DRC11: variants seen among roughly 807,000 people sequenced by gnomAD.
DRC11 encodes the protein IQ and AAA domain-containing protein 1.
the DRC11 span, chr2:236,486,901 C>T: frequency 6.2e-7 from 1 of 1,601,400 alleles, no homozygotes; most frequent in Non-Finnish European, 8.5e-7. The surrounding 1 kb of genome is among the most constrained non-coding windows in gnomAD (Gnocchi z 5.7). Context: ...GTCGCCAAAC[C>T]TAAAAACAAA....
At chr2:236,340,116 A>C in the DRC11 span, among the ~76,000 whole-genome samples, 1 of 152,226 alleles carries the variant, frequency 6.6e-6, no homozygotes, top group East Asian at 1.9e-4. Flanking sequence ...TCTTGTGTCA[A>C]AGAACTTTGT....
chr2:236,383,769 G>T, the DRC11 span, among the ~76,000 whole-genome samples: 33 of 151,772 alleles, frequency 2.2e-4, no homozygotes, highest in Middle Eastern at 6.8e-3. Flanking sequence ...ACCCACTAAC[G>T]CATCATCTAG....
At chr2:236,317,440 G>T in the DRC11 span, among the ~76,000 whole-genome samples, 1 of 152,124 alleles carries the variant, frequency 6.6e-6, no homozygotes, top group Non-Finnish European at 1.5e-5. This position sits in a 1 kb window ranked among gnomAD's most constrained non-coding sequence, Gnocchi z 5.4. Context: ...AGCTAATGTT[G>T]GCTAGAAGAA....
the DRC11 span, chr2:236,376,989 G>A: frequency 4.5e-6 from 3 of 660,418 alleles, no homozygotes; most frequent in South Asian, 4.2e-5. The surrounding 1 kb of genome is among the most constrained non-coding windows in gnomAD (Gnocchi z 5.7). Context: ...AGCCACCATC[G>A]GCCAGGTTTT....
At chr2:236,307,274 A>G in the DRC11 span, among the ~76,000 whole-genome samples, 1 of 152,144 alleles carries the variant, frequency 6.6e-6, no homozygotes, top group African/African-American at 2.4e-5. This position sits in a 1 kb window ranked among gnomAD's most constrained non-coding sequence, Gnocchi z 7.0. Flanking sequence ...CAGAGCGCAC[A>G]TCTCAAGCAG....
the DRC11 span, among the ~76,000 whole-genome samples, chr2:236,471,640 G>A: frequency 1.3e-5 from 2 of 152,170 alleles, no homozygotes; most frequent in African/African-American, 4.8e-5. This position sits in a 1 kb window ranked among gnomAD's most constrained non-coding sequence, Gnocchi z 4.6. Context: ...ATCCCTTACA[G>A]ACAGCAGTTT....
chr2:236,380,473 A>AGGGCGTGGCATCACAGAGG, the DRC11 span: 1 of 900,004 alleles, frequency 1.1e-6, no homozygotes, highest in Admixed American at 2.1e-5. This position sits in a 1 kb window ranked among gnomAD's most constrained non-coding sequence, Gnocchi z 4.9. Flanking sequence ...GAGGATGAAG[A>AGGGCGTGGCATCACAGAGG]GGGCGTGGCA....
the DRC11 span, among the ~76,000 whole-genome samples, chr2:236,403,858 G>A: frequency 6.6e-6 from 1 of 151,870 alleles, no homozygotes; most frequent in Non-Finnish European, 1.5e-5. Context: ...ATCCTCGCTC[G>A]CTGTGCCTCG....
the DRC11 span, among the ~76,000 whole-genome samples, chr2:236,380,325 A>G: frequency 6.6e-6 from 1 of 152,242 alleles, no homozygotes; most frequent in African/African-American, 2.4e-5. The surrounding 1 kb of genome is among the most constrained non-coding windows in gnomAD (Gnocchi z 4.9). Context: ...AAAAAATTCC[A>G]TGAATTTTAA....
chr2:236,399,132 G>A, the DRC11 span, among the ~76,000 whole-genome samples: 11 of 152,046 alleles, frequency 7.2e-5, no homozygotes, highest in Non-Finnish European at 1.6e-4. This position sits in a 1 kb window ranked among gnomAD's most constrained non-coding sequence, Gnocchi z 7.0. Context: ...TGGGATTACA[G>A]GCTCCCGCTG....
At chr2:236,377,786 T>C in the DRC11 span, among the ~76,000 whole-genome samples, 1 of 152,198 alleles carries the variant, frequency 6.6e-6, no homozygotes. This position sits in a 1 kb window ranked among gnomAD's most constrained non-coding sequence, Gnocchi z 4.9. Flanking sequence ...TAAAAGGACC[T>C]TGAGCATATA....
At chr2:236,495,244 G>A in the DRC11 span, among the ~76,000 whole-genome samples, 2 of 152,184 alleles carry the variant, frequency 1.3e-5, no homozygotes, top group Non-Finnish European at 2.9e-5. This position sits in a 1 kb window ranked among gnomAD's most constrained non-coding sequence, Gnocchi z 5.6. Context: ...TTGGGAGGCT[G>A]AGGCAGGAGA....
the DRC11 span, among the ~76,000 whole-genome samples, chr2:236,386,473 A>G: frequency 7.9e-5 from 12 of 151,906 alleles, no homozygotes; most frequent in East Asian, 2.3e-3. Context: ...GTATTCTCTG[A>G]TGGTAGTTTG....
the DRC11 span, among the ~76,000 whole-genome samples, chr2:236,340,325 T>C: frequency 6.6e-6 from 1 of 152,208 alleles, no homozygotes; most frequent in East Asian, 1.9e-4. Context: ...AGGTTTGCCA[T>C]GTTGGCCATG....
the DRC11 span, among the ~76,000 whole-genome samples, chr2:236,383,160 C>T: frequency 6.6e-6 from 1 of 152,088 alleles, no homozygotes; most frequent in Non-Finnish European, 1.5e-5. Context: ...CTTTCTATTT[C>T]TTCTAGATTT....
the DRC11 span, among the ~76,000 whole-genome samples, chr2:236,439,123 T>C: frequency 6.7e-6 from 1 of 149,154 alleles, no homozygotes; most frequent in African/African-American, 2.5e-5. Context: ...GCAGGAAAGA[T>C]CCAAAATTGA....
At chr2:236,462,611 C>G in the DRC11 span, among the ~76,000 whole-genome samples, 2 of 152,110 alleles carry the variant, frequency 1.3e-5, no homozygotes, top group Non-Finnish European at 2.9e-5. This position sits in a 1 kb window ranked among gnomAD's most constrained non-coding sequence, Gnocchi z 6.4. Flanking sequence ...GCGGAGGTTG[C>G]AGTGAGCCGA....
chr2:236,332,706 A>T, the DRC11 span: 1 of 152,236 alleles, frequency 6.6e-6, no homozygotes. This position sits in a 1 kb window ranked among gnomAD's most constrained non-coding sequence, Gnocchi z 5.1. Flanking sequence ...CTTACTATAA[A>T]GGAATAAAAT....
chr2:236,503,621 G>C, the DRC11 span: 1 of 1,549,064 alleles, frequency 6.5e-7, no homozygotes, highest in Admixed American at 2.0e-5. This position sits in a 1 kb window ranked among gnomAD's most constrained non-coding sequence, Gnocchi z 4.9. Context: ...ACGGATCCCT[G>C]CATCATTACC....
Sources: gnomAD v4.1 joint callset for allele counts (sites outside exome capture counted in the v4.1 genomes callset) on GRCh38, gnomAD v4.1.1 for gene constraint, Gnocchi (gnomAD v3.1) non-coding constraint, MANE v1.5 for transcripts, NCBI Gene and HGNC (gene_info 2026-07-23, HGNC 2026-07-21) for gene names.